The following XKR6 variants were observed in gnomAD, a reference collection of about 807,000 sequenced individuals.
The protein encoded by XKR6 is XK-related protein 6.
A neutral mutation model predicts 56.7 loss-of-function variants in XKR6; 22 were observed. That is an observed-to-expected ratio of 0.39 (90% CI 0.28 to 0.55). The LOEUF (loss-of-function observed/expected upper bound fraction) is 0.55, where lower values mean the gene tolerates loss of function less well. XKR6 is among the 20% of genes least tolerant of loss of function. XKR6 has a pLI of 0.66. For missense variants in XKR6, 852 were observed against 889.0 expected (o/e 0.96, Z 0.53); for synonymous variants, 524 against 387.8 (o/e 1.35, Z -4.13).
At chr8:11,105,250 C>T (rs937165599) in intron 1 of XKR6, 14 of 152,188 alleles carry the variant, frequency 9.2e-5, no homozygotes, top group East Asian at 1.9e-4. Context: ...CTTTAGAGAA[C>T]TCAGGGTTAC....
chr8:10,973,585 C>CTCTTTCTT (rs1274555762), intron 1 of XKR6, among the ~76,000 whole-genome samples: 1 of 151,810 alleles, frequency 6.6e-6, no homozygotes, highest in Non-Finnish European at 1.5e-5. Flanking sequence ...CTCTCTTTCT[C>CTCTTTCTT]TCTTTCTTTT....
At chr8:11,072,383 G>C (rs1223389944) in intron 1 of XKR6, among the ~76,000 whole-genome samples, 2 of 150,898 alleles carry the variant, frequency 1.3e-5, no homozygotes, top group African/African-American at 4.9e-5. Flanking sequence ...CCCCCTCTCT[G>C]TTTTGGTAAG....
chr8:11,129,021 A>G (rs1364678351), intron 1 of XKR6: 1 of 454,770 alleles, frequency 2.2e-6, no homozygotes, highest in Non-Finnish European at 4.4e-6. Flanking sequence ...GGTGAAACTT[A>G]CACACAGTGA....
At chr8:11,016,186 G>C (rs1353053394) in intron 1 of XKR6, among the ~76,000 whole-genome samples, 1 of 152,184 alleles carries the variant, frequency 6.6e-6, no homozygotes, top group African/African-American at 2.4e-5. Context: ...AGGGCGGCCA[G>C]CTGGACTAAA....
intron 1 of XKR6, among the ~76,000 whole-genome samples, chr8:11,075,452 GC>G (rs1015742547): frequency 1.3e-5 from 2 of 152,174 alleles, no homozygotes; most frequent in African/African-American, 4.8e-5. Context: ...ACTCTTCCCA[GC>G]CCAGGTTGAT....
At chr8:11,024,508 A>G (rs1798818998) in intron 1 of XKR6, among the ~76,000 whole-genome samples, 1 of 152,170 alleles carries the variant, frequency 6.6e-6, no homozygotes, top group South Asian at 2.1e-4. Context: ...AGTCAGTGGT[A>G]GCCATTACTT....
intron 1 of XKR6, among the ~76,000 whole-genome samples, chr8:11,025,810 C>A (rs895712895): frequency 4.6e-5 from 7 of 152,060 alleles, no homozygotes; most frequent in African/African-American, 1.7e-4. Flanking sequence ...TGGAGGGAGG[C>A]GTAGCACTGC....
intron 1 of XKR6, among the ~76,000 whole-genome samples, chr8:11,145,328 G>A (rs1335055323): frequency 6.6e-6 from 1 of 152,094 alleles, no homozygotes; most frequent in Non-Finnish European, 1.5e-5. Flanking sequence ...GTCTGCACCA[G>A]AAACGTCTCT....
chr8:11,088,632 T>G (rs1797970454), intron 1 of XKR6, among the ~76,000 whole-genome samples: 1 of 152,178 alleles, frequency 6.6e-6, no homozygotes, highest in Non-Finnish European at 1.5e-5. Context: ...TTAAAATCAA[T>G]CAGCTAAAGA....
intron 1 of XKR6, among the ~76,000 whole-genome samples, chr8:10,927,077 C>T (rs1247164860): frequency 6.6e-6 from 1 of 152,162 alleles, no homozygotes; most frequent in Non-Finnish European, 1.5e-5. Context: ...GAGATGATGG[C>T]AGCAAGAAAT....
intron 1 of XKR6, among the ~76,000 whole-genome samples, chr8:11,176,653 G>C (rs1259139353): frequency 1.3e-5 from 2 of 152,120 alleles, no homozygotes; most frequent in African/African-American, 4.8e-5. Flanking sequence ...GGCAGATGAA[G>C]TCGGCCCCAG....
rs191615591 is a variant in XKR6, at chr8:11,166,200, T to C, written c.764+34376A>G. On this transcript the variant is annotated intron_variant, in intron 1 of 2. Transcript: ENST00000416569. ...ATTCACTGAAGAGGAAAAAGACCAT[T>C]GAACTATCCTTCATTTTCCAGTGAA... 4.7e-3 allele frequency among the ~76,000 whole-genome samples: 715 copies of C among 152,320 alleles called. 2 individuals are homozygous for C. Among genetic ancestry groups the C allele is most frequent in the Non-Finnish European group, 8.4e-3 (574 of 68,038 alleles).
intron 1 of XKR6, among the ~76,000 whole-genome samples, chr8:11,167,730 G>C (rs1051664300): frequency 2.0e-5 from 3 of 151,960 alleles, no homozygotes; most frequent in Admixed American, 1.3e-4. Flanking sequence ...TATTGAAGGA[G>C]GGCCCCAGCA....
At chr8:11,163,761 T>C (rs371073095) in intron 1 of XKR6, among the ~76,000 whole-genome samples, 61 of 152,324 alleles carry the variant, frequency 4.0e-4, no homozygotes, top group Admixed American at 1.4e-3. Flanking sequence ...GAGGTAAATG[T>C]ATCATTGTTA....
intron 1 of XKR6, among the ~76,000 whole-genome samples, chr8:11,079,301 A>G (rs4841489): frequency 0.56 from 85,606 of 152,194 alleles, 26,832 homozygotes; most frequent in African/African-American, 0.82. Flanking sequence ...GGGAATAAAT[A>G]AACACATTTT....
At chr8:11,188,335 C>T (rs1159277053) in intron 1 of XKR6, among the ~76,000 whole-genome samples, 2 of 152,156 alleles carry the variant, frequency 1.3e-5, no homozygotes, top group Non-Finnish European at 2.9e-5. Context: ...AAATAGTGGA[C>T]GCCCCAAACA....
At chr8:11,076,871 C>T (rs1306825445) in intron 1 of XKR6, among the ~76,000 whole-genome samples, 2 of 152,130 alleles carry the variant, frequency 1.3e-5, no homozygotes, top group Non-Finnish European at 2.9e-5. Context: ...TTGATTCCTT[C>T]GTCCATTCAA....
intron 1 of XKR6, among the ~76,000 whole-genome samples, chr8:11,026,924 G>C (rs1162644198): frequency 6.6e-6 from 1 of 151,910 alleles, no homozygotes; most frequent in African/African-American, 2.4e-5. Context: ...AGATAGTCTA[G>C]CCTACTACAC....
chr8:10,906,253 C>T (rs1468006099), intron 2 of XKR6, among the ~76,000 whole-genome samples: 2 of 152,192 alleles, frequency 1.3e-5, no homozygotes, highest in African/African-American at 4.8e-5. Context: ...TCCACCAAAT[C>T]CTGCTAAATG....
Sources: gnomAD v4.1 joint callset for allele counts (sites outside exome capture counted in the v4.1 genomes callset) on GRCh38, gnomAD v4.1.1 for gene constraint, MANE v1.5 for transcripts, NCBI Gene and HGNC (gene_info 2026-07-23, HGNC 2026-07-21) for gene names.